The following SH3RF3 variants were observed in gnomAD, a reference collection of about 807,000 sequenced individuals.
The protein encoded by SH3RF3 is SH3 domain containing ring finger 3.
Under a neutral mutation model 66.3 loss-of-function variants are expected in SH3RF3, and 29 were observed. That is an observed-to-expected ratio of 0.44 (90% confidence interval 0.33 to 0.60). The LOEUF is 0.60. SH3RF3 is among the 20% of genes least tolerant of loss of function. The pLI, the probability that SH3RF3 is intolerant of heterozygous loss-of-function variation, is 0.04. For missense variants in SH3RF3, 1,194 were observed against 1,190.9 expected (o/e 1.00, Z -0.04); for synonymous variants, 583 against 532.0 (o/e 1.10, Z -1.32).
At chr2:109,259,959 C>T (rs1470281129) in intron 1 of SH3RF3, among the ~76,000 whole-genome samples, 1 of 152,130 alleles carries the variant, frequency 6.6e-6, no homozygotes, top group Non-Finnish European at 1.5e-5. Context: ...TTCTCAGACG[C>T]CCAGGGGTTT....
At chr2:109,357,265 T>C (rs971940042) in intron 2 of SH3RF3, among the ~76,000 whole-genome samples, 1 of 152,024 alleles carries the variant, frequency 6.6e-6, no homozygotes, top group Non-Finnish European at 1.5e-5. Context: ...TGCTGCAAGC[T>C]CCGCCTCCCA....
At chr2:109,156,980 C>T (rs752047689) in intron 1 of SH3RF3, among the ~76,000 whole-genome samples, 6 of 152,164 alleles carry the variant, frequency 3.9e-5, no homozygotes, top group Non-Finnish European at 5.9e-5. Context: ...GTTTTTATTT[C>T]CCTCTGAAAT....
intron 1 of SH3RF3, among the ~76,000 whole-genome samples, chr2:109,133,443 G>A (rs930838325): frequency 6.6e-6 from 1 of 152,166 alleles, no homozygotes; most frequent in Non-Finnish European, 1.5e-5. Context: ...GCATACACGT[G>A]TATGATTCTT....
At chr2:109,501,370 G>A (rs1679380617) in intron 9 of SH3RF3, 133 bp from the exon 10 acceptor site, 1 of 519,906 alleles carries the variant, frequency 1.9e-6, no homozygotes, top group East Asian at 2.9e-5. Context: ...TAAAAATAAA[G>A]ATAAATAGAA....
Position 109,481,083 on chromosome 2 carries a change from G to A in SH3RF3, c.2149-9522G>A, listed in dbSNP as rs185858092. 6.8e-4 allele frequency among the ~76,000 whole-genome samples: 104 copies of A among 152,336 alleles called. 1 individual carries two copies. The highest frequency in any genetic ancestry group is 2.3e-3 in the African/African-American group (97 of 41,576). ...AGCCTGAGGGCATTTCTCACCTGCT[G>A]CTGCCAAAAAGAATCTGACAGCTGT... On this transcript the variant is annotated intron_variant, in intron 8 of 9. Transcript: ENST00000309415.
chr2:109,258,151 CTT>C (rs1680265279), intron 1 of SH3RF3, among the ~76,000 whole-genome samples: 2 of 152,198 alleles, frequency 1.3e-5, no homozygotes, highest in Non-Finnish European at 2.9e-5. Context: ...GCTGGTAAGA[CTT>C]TTACCCCATC....
At chr2:109,330,346 G>A (rs143562190) in intron 1 of SH3RF3, among the ~76,000 whole-genome samples, 4 of 152,100 alleles carry the variant, frequency 2.6e-5, no homozygotes, top group East Asian at 3.9e-4. Context: ...ATCTCTCTCC[G>A]TCTCTTCCTT....
At chr2:109,446,182 A>G (rs1677699206) in intron 7 of SH3RF3, among the ~76,000 whole-genome samples, 1 of 152,194 alleles carries the variant, frequency 6.6e-6, no homozygotes, top group African/African-American at 2.4e-5. Flanking sequence ...AGCCAGTGTC[A>G]TGACCTGAGC....
At chr2:109,263,370 T>A (rs1180263362) in intron 1 of SH3RF3, among the ~76,000 whole-genome samples, 1 of 152,222 alleles carries the variant, frequency 6.6e-6, no homozygotes, top group Non-Finnish European at 1.5e-5. Context: ...ATATCTGGAA[T>A]GTGTTTATTT....
intron 8 of SH3RF3, among the ~76,000 whole-genome samples, chr2:109,475,661 A>T (rs1023232396): frequency 1.3e-5 from 2 of 152,208 alleles, no homozygotes; most frequent in Non-Finnish European, 2.9e-5. Context: ...TAGGATGTCG[A>T]GCAGCATCCC....
intron 4 of SH3RF3, among the ~76,000 whole-genome samples, chr2:109,401,591 A>G (rs940948844): frequency 6.6e-6 from 1 of 152,194 alleles, no homozygotes; most frequent in Non-Finnish European, 1.5e-5. Context: ...TTGGAGTTCT[A>G]AAAAAGGAGC....
intron 1 of SH3RF3, among the ~76,000 whole-genome samples, chr2:109,191,801 G>A (rs548652571): frequency 6.6e-6 from 1 of 152,186 alleles, no homozygotes; most frequent in Non-Finnish European, 1.5e-5. Context: ...AAAGTCCCCA[G>A]GTTGGGACTG....
intron 9 of SH3RF3, among the ~76,000 whole-genome samples, chr2:109,498,685 G>A (rs1573299871): frequency 6.6e-6 from 1 of 152,270 alleles, no homozygotes; most frequent in South Asian, 2.1e-4. Context: ...ATGGGCCCAG[G>A]GAACTGTGGG....
intron 1 of SH3RF3, among the ~76,000 whole-genome samples, chr2:109,180,118 G>GT (rs879424748): frequency 0.032 from 4,677 of 146,412 alleles, 198 homozygotes; most frequent in African/African-American, 0.1. Flanking sequence ...CACAGGAGAA[G>GT]TTTTTTTTTT....
At chr2:109,220,386 C>T (rs1191159043) in intron 1 of SH3RF3, among the ~76,000 whole-genome samples, 2 of 152,144 alleles carry the variant, frequency 1.3e-5, no homozygotes, top group African/African-American at 2.4e-5. Flanking sequence ...TTGAGTGTGA[C>T]ACCAAAAGCA....
chr2:109,220,097 A>G (rs1188842200), intron 1 of SH3RF3, among the ~76,000 whole-genome samples: 2 of 152,230 alleles, frequency 1.3e-5, no homozygotes, highest in African/African-American at 4.8e-5. Context: ...ATGGAATACA[A>G]CAGAGATCCC....
intron 8 of SH3RF3, among the ~76,000 whole-genome samples, chr2:109,466,601 A>G (rs1479459538): frequency 6.6e-6 from 1 of 151,746 alleles, no homozygotes; most frequent in African/African-American, 2.4e-5. Context: ...CAATTTATTA[A>G]CTATTTCATG....
chr2:109,429,083 G>A (rs1209793111), intron 5 of SH3RF3, among the ~76,000 whole-genome samples: 1 of 152,196 alleles, frequency 6.6e-6, no homozygotes, highest in African/African-American at 2.4e-5. Context: ...GCTGCAGGGG[G>A]CAGCGGCAGA....
In SH3RF3 at chr2:109,275,029, A is replaced by G. The variant is rs149019107; in HGVS notation, c.574-72645A>G. On this transcript the variant is annotated intron_variant, in intron 1 of 9. Coordinates refer to ENST00000309415, the MANE Select transcript of SH3RF3 (RefSeq NM_001099289.3). ...AAGCACCATTTATACTGTAATATTT[A>G]TAGATTACCATAATGTAAAATTGTC... Among the ~76,000 whole-genome samples the G allele has an allele frequency of 6.8e-3, 1,031 of 152,176 alleles. 13 individuals carry two copies. The highest frequency in any genetic ancestry group is 0.023 in the African/African-American group (970 of 41,462).
Sources: allele counts gnomAD v4.1 joint callset (sites outside exome capture counted in the v4.1 genomes callset), GRCh38; gene constraint gnomAD v4.1.1; transcripts MANE v1.5; gene names NCBI Gene and HGNC (gene_info 2026-07-23, HGNC 2026-07-21).